Variants in WWOX observed in about 807,000 individuals in gnomAD.
WWOX encodes WW domain-containing oxidoreductase.
In WWOX, 69 loss-of-function variants were observed where a neutral mutation model predicts 46.2. The ratio of observed to expected loss-of-function variants is 1.49; its 90% CI spans 1.23 to 1.82. The LOEUF is 1.82. Ranked by LOEUF, WWOX falls within the 40% of genes most tolerant of loss-of-function variation. The probability of loss-of-function intolerance (pLI) is 0.00; values close to 1 mark genes in which losing one functional copy is unlikely to be tolerated. For synonymous variants in WWOX, 359 were observed against 202.6 expected, an observed-to-expected ratio of 1.77 and a Z score of -6.56; for missense variants, 919 against 542.6, an observed-to-expected ratio of 1.69 and a Z score of -6.89.
At chr16:78,134,009 A>T (rs13338697) in intron 4 of WWOX, among the ~76,000 whole-genome samples, 2 of 152,032 alleles carry the variant, frequency 1.3e-5, no homozygotes, top group African/African-American at 4.8e-5. Context: ...GTTTTCTTCA[A>T]TGTACCTAGA....
intron 8 of WWOX, among the ~76,000 whole-genome samples, chr16:78,682,457 C>T (rs988375261): frequency 4.6e-5 from 7 of 152,040 alleles, no homozygotes; most frequent in Non-Finnish European, 8.8e-5. Flanking sequence ...GTGGCGTGTA[C>T]CTGTAATCCC....
intron 8 of WWOX, among the ~76,000 whole-genome samples, chr16:78,527,116 T>G (rs1049965118): frequency 6.6e-6 from 1 of 151,908 alleles, no homozygotes; most frequent in African/African-American, 2.4e-5. Context: ...TGAGCCGAGA[T>G]CATGCCATTG....
At chr16:78,802,608 C>G (rs191316134) in intron 8 of WWOX, among the ~76,000 whole-genome samples, 65 of 152,078 alleles carry the variant, frequency 4.3e-4, no homozygotes, top group Admixed American at 2.5e-3. Flanking sequence ...TAGTGAGTGA[C>G]TAAAGTAATG....
At chr16:79,158,018 G>C (rs1478927954) in intron 8 of WWOX, among the ~76,000 whole-genome samples, 1 of 152,154 alleles carries the variant, frequency 6.6e-6, no homozygotes, top group African/African-American at 2.4e-5. Context: ...GCATTCAAAA[G>C]GGGTGCCCCC....
At chr16:78,942,105 T>C (rs1487763751) in intron 8 of WWOX, among the ~76,000 whole-genome samples, 2 of 150,398 alleles carry the variant, frequency 1.3e-5, no homozygotes, top group African/African-American at 4.8e-5. Context: ...CGTATGACTG[T>C]GATTCTAACA....
intron 5 of WWOX, among the ~76,000 whole-genome samples, chr16:78,201,982 G>T (rs1460564967): frequency 1.3e-5 from 2 of 151,956 alleles, no homozygotes; most frequent in Non-Finnish European, 2.9e-5. Context: ...CTGGATTATA[G>T]GTGTGATCCA....
intron 8 of WWOX, among the ~76,000 whole-genome samples, chr16:78,524,524 G>C (rs1177270950): frequency 2.6e-5 from 4 of 151,556 alleles, no homozygotes; most frequent in Admixed American, 2.0e-4. Flanking sequence ...GTGTCCAAGT[G>C]ATTCTTCTAC....
intron 4 of WWOX, among the ~76,000 whole-genome samples, chr16:78,145,664 G>T (rs1422102716): frequency 2.0e-5 from 3 of 152,102 alleles, no homozygotes; most frequent in African/African-American, 7.2e-5. Context: ...ACAGCACCTT[G>T]CATCCTTCAA....
At chr16:78,116,305 A>G (rs146469842) in intron 4 of WWOX, among the ~76,000 whole-genome samples, 1 of 152,258 alleles carries the variant, frequency 6.6e-6, no homozygotes, top group African/African-American at 2.4e-5. Flanking sequence ...ATTTTGAACA[A>G]TTCCTTGAAG....
chr16:78,575,019 ATAAATATATATATATATATATATATAT>A (rs2044822545), intron 8 of WWOX, among the ~76,000 whole-genome samples: 1 of 12,786 alleles, frequency 7.8e-5, no homozygotes, highest in African/African-American at 5.5e-4. Context: ...ATATATATAT[ATAAATATATATATATATATATATATAT>A]ATATATATAT....
chr16:78,210,072 A>G (rs2036510248), intron 5 of WWOX, among the ~76,000 whole-genome samples: 1 of 152,224 alleles, frequency 6.6e-6, no homozygotes, highest in Non-Finnish European at 1.5e-5. Context: ...TGATGTTGGA[A>G]AAATGACGTG....
intron 8 of WWOX, among the ~76,000 whole-genome samples, chr16:78,764,099 G>A (rs938236462): frequency 2.0e-5 from 3 of 152,104 alleles, no homozygotes; most frequent in African/African-American, 4.8e-5. Context: ...AGGATCAGCT[G>A]GTGCTCCAGG....
chr16:79,181,745 T>C (rs2050916195), intron 8 of WWOX, among the ~76,000 whole-genome samples: 2 of 152,126 alleles, frequency 1.3e-5, no homozygotes, highest in Non-Finnish European at 2.9e-5. Flanking sequence ...AGAAGTGGAA[T>C]TACTGGGTCG....
At chr16:79,068,181 G>C (rs7206235) in intron 8 of WWOX, among the ~76,000 whole-genome samples, 38,756 of 152,114 alleles carry the variant, frequency 0.25, 5,002 homozygotes, top group Admixed American at 0.3. Context: ...AGCATTGGGT[G>C]AATGACCCTG....
chr16:79,186,750 G>C (rs975743789), intron 8 of WWOX, among the ~76,000 whole-genome samples: 1 of 151,990 alleles, frequency 6.6e-6, no homozygotes, highest in Non-Finnish European at 1.5e-5. Flanking sequence ...TGGGACATTA[G>C]TCTGGGAATT....
chr16:78,595,087 A>G (rs79101525), intron 8 of WWOX, among the ~76,000 whole-genome samples: 7 of 152,200 alleles, frequency 4.6e-5, no homozygotes, highest in East Asian at 1.9e-4. Context: ...TGCCATGCGC[A>G]TGAGGCTGTG....
intron 5 of WWOX, among the ~76,000 whole-genome samples, chr16:78,372,112 C>T (rs563213750): frequency 3.8e-4 from 58 of 152,178 alleles, no homozygotes; most frequent in African/African-American, 1.3e-3. Flanking sequence ...GTTGAGTGCC[C>T]TGCAAACTAA....
chr16:78,456,421 A>C (rs1033764403), intron 8 of WWOX, among the ~76,000 whole-genome samples: 1 of 152,206 alleles, frequency 6.6e-6, no homozygotes, highest in Admixed American at 6.5e-5. Flanking sequence ...GTGTGCATAA[A>C]CAAAGCAATA....
intron 8 of WWOX, among the ~76,000 whole-genome samples, chr16:79,065,199 A>G (rs1269225983): frequency 6.6e-6 from 1 of 152,178 alleles, no homozygotes; most frequent in East Asian, 1.9e-4. Flanking sequence ...AGTTCTTATA[A>G]TTGCTCAATG....
Sources: gnomAD v4.1 joint callset for allele counts (sites outside exome capture counted in the v4.1 genomes callset) on GRCh38, gnomAD v4.1.1 for gene constraint, MANE v1.5 for transcripts, NCBI Gene and HGNC (gene_info 2026-07-23, HGNC 2026-07-21) for gene names.